SMAD4: variants seen among roughly 807,000 people sequenced by gnomAD.
The protein encoded by SMAD4 is MAD homolog 4.
A neutral mutation model predicts 63.2 loss-of-function variants in SMAD4; 7 were observed. The observed-to-expected ratio is 0.11, with a 90% CI of 0.06 to 0.21. SMAD4 has a LOEUF of 0.21. Among genes scored for constraint, SMAD4 ranks in the 10% least tolerant of loss-of-function variants. The pLI is 1.00. For synonymous variants in SMAD4, 215 were observed against 235.4 expected, an observed-to-expected ratio of 0.91 and a Z score of 0.79; for missense variants, 312 against 693.8, an observed-to-expected ratio of 0.45 and a Z score of 6.18.
In SMAD4 at chr18:51,054,933, C is replaced by A. The variant is rs199809905; in HGVS notation, c.607C>A (p.Pro203Thr). 1 of 1,614,112 alleles carries A rather than the reference C, an allele frequency of 6.2e-7. No homozygotes were observed. Among genetic ancestry groups the A allele is most frequent in the East Asian group, 2.2e-5 (1 of 44,874 alleles). The change falls in exon 5 of 12, where the codon CCA (proline) becomes ACA (threonine). Residue 203 changes from proline to threonine, a missense_variant. Coordinates refer to ENST00000342988, the MANE Select transcript of SMAD4 (RefSeq NM_005359.6). ...ATACAGCACCCCAGCTCTGTTAGCCCCATCTGAGTCTAATGCTACCAGCAC... is the reference window on the plus strand; with the variant it reads ...ATACAGCACCCCAGCTCTGTTAGCCACATCTGAGTCTAATGCTACCAGCAC... ...ETYSTPALLA[P>T]SESNATSTAN...
intron 5 of SMAD4, among the ~76,000 whole-genome samples, chr18:51,056,749 A>C (rs1909857749): frequency 6.6e-6 from 1 of 152,142 alleles, no homozygotes; most frequent in Non-Finnish European, 1.5e-5. Context: ...CGTATTGTTT[A>C]ACTTTATTTT....
In SMAD4 at chr18:51,049,941, GT is replaced by G. The variant is rs1330282955; in HGVS notation, c.454+622del. Among the ~76,000 whole-genome samples the G allele has an allele frequency of 3.3e-5, 5 of 152,270 alleles. No homozygotes were observed. The East Asian group carries it at 9.6e-4, about 29-fold the overall frequency. ...GAGAAAATGAAATGTGAATGGGGGT[GT>G]TTTTGTTTTTTATTGTAATATTTGA... On this transcript the variant is annotated intron_variant, in intron 4 of 11. Transcript: ENST00000342988.
intron 1 of SMAD4, among the ~76,000 whole-genome samples, chr18:51,034,179 A>G (rs1909133185): frequency 6.6e-6 from 1 of 151,702 alleles, no homozygotes; most frequent in African/African-American, 2.4e-5. Context: ...TGTTTAGGGC[A>G]ACGGTCTTTT....
rs28601741 is a variant in SMAD4 at position 51,072,371 on chromosome 18, A to T, written c.1309-4267A>T. 8.9e-3 allele frequency among the ~76,000 whole-genome samples: 1,362 copies of T among 152,298 alleles called. 26 individuals carry two copies. The highest frequency in any genetic ancestry group is 0.031 in the African/African-American group (1,306 of 41,572). ...TATTGAGTTGGGTTTGTTTTTGAAC[A>T]CATTTATTTTAGAGGAAGGGGCAGC... On this transcript the variant is annotated intron_variant, in intron 10 of 11. Transcript: ENST00000342988.
At chr18:51,033,220 C>G (rs186843505) in intron 1 of SMAD4, among the ~76,000 whole-genome samples, 1 of 136,460 alleles carries the variant, frequency 7.3e-6, no homozygotes, top group Non-Finnish European at 1.5e-5. Flanking sequence ...GATGGAGGCT[C>G]GCTCTGTTGT....
Position 51,081,426 on chromosome 18 carries a change from T to A in SMAD4, c.*2959T>A. The A allele has an allele frequency of 4.3e-6, 1 of 230,464 alleles. No individual in the cohort carries two copies. The highest frequency in any genetic ancestry group is 8.6e-6 in the Non-Finnish European group (1 of 116,376). The allele number at this position is 230,464 out of a possible 1,614,324, so 14.3% of individuals were successfully genotyped here. On this transcript the variant is annotated 3_prime_UTR_variant, in exon 12 of 12. Transcript: ENST00000342988. ...ATAGTCTATCTCATTTTTAATAGTT[T>A]ACCGCCCCTGGTATACAAAGATAAT...
intron 10 of SMAD4, among the ~76,000 whole-genome samples, chr18:51,073,388 T>TATATATATATATATATATACACAC (rs1417299090): frequency 1.6e-5 from 1 of 64,160 alleles, no homozygotes; most frequent in African/African-American, 7.6e-5. Flanking sequence ...TATATATATA[T>TATATATATATATATATATACACAC]ACACACACAC....
At chr18:51,070,015 T>G (rs77889822) in intron 10 of SMAD4, among the ~76,000 whole-genome samples, 4,562 of 152,292 alleles carry the variant, frequency 0.03, 271 homozygotes, top group African/African-American at 0.1. Context: ...GATGACTATT[T>G]TAAATAGTTT....
At chr18:51,047,559 G>T (rs981300191) in intron 2 of SMAD4, among the ~76,000 whole-genome samples, 1 of 151,296 alleles carries the variant, frequency 6.6e-6, no homozygotes, top group Non-Finnish European at 1.5e-5. Context: ...CCCACACTTC[G>T]CAAGAACTAC....
chr18:51,078,707 A>G lies in SMAD4; in HGVS notation c.*240A>G, dbSNP rs1024058106. 3 of 510,176 alleles carry G rather than the reference A, an allele frequency of 5.9e-6. No individual in the cohort carries two copies. Among genetic ancestry groups the G allele is most frequent in the African/African-American group, 5.7e-5 (3 of 52,482 alleles). The allele number at this position is 510,176 out of a possible 1,614,324, so 31.6% of individuals were successfully genotyped here. A position where few individuals can be genotyped will look rare whatever the true frequency, so the allele number is the denominator to read the frequency against. ...TGAAGATTAGGAGAAACACATTCTT[A>G]TTAATTCTTCACCTGTTATGTATGA... On this transcript the variant is annotated 3_prime_UTR_variant, in exon 12 of 12. Coordinates refer to ENST00000342988, the MANE Select transcript of SMAD4 (RefSeq NM_005359.6).
chr18:51,072,393 C>T (rs575064052), intron 10 of SMAD4, among the ~76,000 whole-genome samples: 1 of 152,280 alleles, frequency 6.6e-6, no homozygotes, highest in South Asian at 2.1e-4. Flanking sequence ...GAGGAAGGGG[C>T]AGCAGATGCT....
intron 5 of SMAD4, among the ~76,000 whole-genome samples, chr18:51,057,282 G>A (rs909590337): frequency 2.0e-5 from 3 of 151,910 alleles, no homozygotes; most frequent in South Asian, 2.1e-4. Flanking sequence ...ATTAACAGTC[G>A]AGTTAATTAA....
At position 51,079,773 on chromosome 18, in the gene SMAD4, A is replaced by T. The variant is rs548358195; in HGVS notation, c.*1306A>T. 1.2e-4 allele frequency: 27 copies of T among 233,258 alleles called. No individual in the cohort carries two copies. The highest frequency in any genetic ancestry group is 4.8e-4 in the African/African-American group (22 of 45,446). The allele number at this position is 233,258 out of a possible 1,614,324, so 14.4% of individuals were successfully genotyped here. On this transcript the variant is annotated 3_prime_UTR_variant, in exon 12 of 12. Transcript: ENST00000342988. ...GTAGCATAAATAAAACTGAATCTCA[A>T]CATACAAAGTTGAATTCTAGGTTTG...
intron 11 of SMAD4, chr18:51,077,429 T>C: frequency 1.0e-6 from 1 of 977,988 alleles, no homozygotes. Context: ...GGTAAGCAAA[T>C]CACACTGGCT....
At chr18:51,048,064 A>T (rs1909599465) in intron 2 of SMAD4, among the ~76,000 whole-genome samples, 1 of 152,268 alleles carries the variant, frequency 6.6e-6, no homozygotes, top group African/African-American at 2.4e-5. Context: ...CCCTTGCTTA[A>T]ATAAATCTTA....
chr18:51,041,693 G>C (rs540742191), intron 1 of SMAD4, among the ~76,000 whole-genome samples: 7 of 152,284 alleles, frequency 4.6e-5, no homozygotes, highest in Admixed American at 4.6e-4. Context: ...TATATGAGCT[G>C]TCCTATCCCT....
At chr18:51,065,371 A>AG in intron 8 of SMAD4, 52 bp from the exon 9 acceptor site, 1 of 1,483,568 alleles carries the variant, frequency 6.7e-7, no homozygotes, top group Non-Finnish European at 9.4e-7. Flanking sequence ...TGCAAGTGAA[A>AG]GCCTTATATC....
Position 51,074,281 on chromosome 18 carries a change from T to C in SMAD4, c.1309-2357T>C, listed in dbSNP as rs377403151. ...CTGTAGTCCTGGCTAGTTGGGAGGCTGATGTGGGAGGACCCTTGAGCCCAG... is the reference window on the plus strand; with the variant it reads ...CTGTAGTCCTGGCTAGTTGGGAGGCCGATGTGGGAGGACCCTTGAGCCCAG... On this transcript the variant is annotated intron_variant, in intron 10 of 11. Transcript: ENST00000342988. 6.6e-5 allele frequency among the ~76,000 whole-genome samples: 10 copies of C among 151,488 alleles called. No individual in the cohort carries two copies. The East Asian group carries it at 1.7e-3, about 26-fold the overall frequency.
intron 10 of SMAD4, among the ~76,000 whole-genome samples, chr18:51,071,365 A>G (rs779737436): frequency 2.0e-5 from 3 of 152,132 alleles, no homozygotes; most frequent in South Asian, 4.1e-4. Context: ...ATAAGCCAAG[A>G]AGCTAGGACT....
Sources: gnomAD v4.1 joint callset for allele counts (sites outside exome capture counted in the v4.1 genomes callset) on GRCh38, gnomAD v4.1.1 for gene constraint, MANE v1.5 for transcripts, NCBI Gene and HGNC (gene_info 2026-07-23, HGNC 2026-07-21) for gene names.